Variants in MAP3K14 observed in about 807,000 individuals in gnomAD.
The protein encoded by MAP3K14 is mitogen-activated protein kinase kinase kinase 14.
A neutral mutation model predicts 99.2 loss-of-function variants in MAP3K14; 16 were observed. That is an observed-to-expected ratio of 0.16 (90% CI 0.11 to 0.24). The LOEUF (loss-of-function observed/expected upper bound fraction) is 0.24, where lower values mean the gene tolerates loss of function less well. Ranked by LOEUF, MAP3K14 falls within the 10% of genes least tolerant of loss-of-function variation. The probability of loss-of-function intolerance (pLI) is 1.00; values close to 1 mark genes in which losing one functional copy is unlikely to be tolerated. For synonymous variants in MAP3K14, 462 were observed against 492.4 expected, an observed-to-expected ratio of 0.94 and a Z score of 0.82; for missense variants, 784 against 1,208.7, an observed-to-expected ratio of 0.65 and a Z score of 5.21.
At chr17:45,285,745 C>A (rs1477992131) in intron 5 of MAP3K14, among the ~76,000 whole-genome samples, 2 of 151,900 alleles carry the variant, frequency 1.3e-5, no homozygotes, top group Non-Finnish European at 2.9e-5. Context: ...TGCTTTAGCC[C>A]AGGAGTTTGA....
intron 1 of MAP3K14, among the ~76,000 whole-genome samples, chr17:45,304,907 T>C (rs1485428249): frequency 6.6e-6 from 1 of 152,084 alleles, no homozygotes; most frequent in Admixed American, 6.6e-5. Context: ...TCCTCAAACC[T>C]ACATGATAGA....
chr17:45,307,071 AACAT>A (rs2044435928), intron 1 of MAP3K14, among the ~76,000 whole-genome samples: 1 of 152,182 alleles, frequency 6.6e-6, no homozygotes, highest in African/African-American at 2.4e-5. Context: ...CAGCCTGGCC[AACAT>A]GGCAAAACGC....
At chr17:45,282,827 G>A (rs946144341) in intron 6 of MAP3K14, among the ~76,000 whole-genome samples, 3 of 152,188 alleles carry the variant, frequency 2.0e-5, no homozygotes, top group Non-Finnish European at 4.4e-5. Flanking sequence ...TGTTTCTCCT[G>A]CTCTTCCAGC....
chr17:45,267,834 C>A lies in MAP3K14; in HGVS notation c.1973-75G>T. On this transcript the variant is annotated intron_variant, in intron 11 of 15. Transcript: ENST00000344686. This position sits in a 1 kb window ranked among gnomAD's most constrained non-coding sequence, Gnocchi z 5.1. ...AGCGGTCCAGGCAGGAGCGGCCTCTCCTGAGTGCAGAAGGGCTAGAGGCAA... is the reference window on the plus strand; with the variant it reads ...AGCGGTCCAGGCAGGAGCGGCCTCTACTGAGTGCAGAAGGGCTAGAGGCAA... 1 of 1,302,094 alleles carries A rather than the reference C, an allele frequency of 7.7e-7. No homozygotes were observed. The highest frequency in any genetic ancestry group is 1.3e-5 in the South Asian group (1 of 79,146). 80.7% of individuals were successfully genotyped at this position (1,302,094 alleles called of 1,614,324 possible).
chr17:45,305,707 G>A (rs2044425632), intron 1 of MAP3K14, among the ~76,000 whole-genome samples: 2 of 152,168 alleles, frequency 1.3e-5, no homozygotes, highest in Admixed American at 6.5e-5. Flanking sequence ...TAAGTGTTAA[G>A]TTGCTTCAAA....
At chr17:45,305,052 C>T (rs1386787610) in intron 1 of MAP3K14, among the ~76,000 whole-genome samples, 1 of 152,138 alleles carries the variant, frequency 6.6e-6, no homozygotes, top group Non-Finnish European at 1.5e-5. Flanking sequence ...GCAGTCAGAC[C>T]TTTGTATGAC....
Position 45,263,348 on chromosome 17 carries a change from G to A in MAP3K14, c.*1288C>T, listed in dbSNP as rs1023519960. The A allele has an allele frequency of 2.0e-5, 3 of 152,622 alleles. No homozygotes were observed. Among genetic ancestry groups the A allele is most frequent in the Admixed American group, 2.0e-4 (3 of 15,280 alleles). The allele number at this position is 152,622 out of a possible 1,614,324, so 9.5% of individuals were successfully genotyped here. A position where few individuals can be genotyped will look rare whatever the true frequency, so the allele number is the denominator to read the frequency against. ...GCGTCCCCTGCCCCAGGAGGTTGAGGCTAGCAGACACCCCCTGACGATTCA... is the reference window on the plus strand; with the variant it reads ...GCGTCCCCTGCCCCAGGAGGTTGAGACTAGCAGACACCCCCTGACGATTCA... On this transcript the variant is annotated 3_prime_UTR_variant, in exon 16 of 16. Coordinates refer to ENST00000344686, the MANE Select transcript of MAP3K14 (RefSeq NM_003954.5).
chr17:45,270,400 G>T lies in MAP3K14; in HGVS notation c.1972+13C>A. On this transcript the variant is annotated intron_variant, in intron 11 of 15. Coordinates refer to ENST00000344686, the MANE Select transcript of MAP3K14 (RefSeq NM_003954.5). ...TCTGCCCCCCGGGTCAGCCAGCGTG[G>T]GGCTCTTCCTACCTTGCTGTAGTGC... The T allele has an allele frequency of 6.2e-7, 1 of 1,608,118 alleles. No homozygotes were observed.
intron 6 of MAP3K14, chr17:45,281,523 G>C (rs1438236275): frequency 1.3e-5 from 2 of 151,314 alleles, no homozygotes; most frequent in Non-Finnish European, 2.9e-5. Flanking sequence ...TGTATTTTTA[G>C]TAGAGATGGG....
chr17:45,299,551 T>G (rs1463068820), intron 1 of MAP3K14, among the ~76,000 whole-genome samples: 1 of 152,106 alleles, frequency 6.6e-6, no homozygotes, highest in East Asian at 1.9e-4. Context: ...CCCTGGGACA[T>G]AGAAACAGAT....
chr17:45,305,744 A>G (rs1040514722), intron 1 of MAP3K14, among the ~76,000 whole-genome samples: 3 of 152,132 alleles, frequency 2.0e-5, no homozygotes, highest in African/African-American at 7.2e-5. Context: ...ACTGAAGCCT[A>G]CCTCCCACAG....
At position 45,264,772 on chromosome 17, in the gene MAP3K14, G is replaced by A. The variant is rs2044059843; in HGVS notation, c.2708C>T (p.Thr903Ile). The change falls in exon 16 of 16, where the codon ACC becomes ATC. Residue 903 changes from threonine to isoleucine, a missense_variant. Thr to Ile is a moderately conservative substitution (Grantham distance 89, BLOSUM62 -1). Transcript: ENST00000344686. Reference sequence around the variant, plus strand: ...GTAGCGAACAGGCTGCCCGTCTTTGGTGACCAAGCTGAAGGCTGCAGCTGG... The same window carrying A: ...GTAGCGAACAGGCTGCCCGTCTTTGATGACCAAGCTGAAGGCTGCAGCTGG... ...QIPAAAFSLV[T>I]KDGQPVRYDM... 1 of 1,613,394 alleles carries A rather than the reference G, an allele frequency of 6.2e-7. No individual in the cohort carries two copies.
At position 45,287,499 on chromosome 17, in the gene MAP3K14, G is replaced by A. The variant is rs9897333; in HGVS notation, c.327-135C>T. The A allele has an allele frequency of 7.9e-3, 5,396 of 683,142 alleles. 229 individuals carry two copies. In the African/African-American group the frequency reaches 0.086, roughly 11 times the overall value. The allele number at this position is 683,142 out of a possible 1,614,324, so 42.3% of individuals were successfully genotyped here. On this transcript the variant is annotated intron_variant, in intron 3 of 15. Transcript: ENST00000344686. ...GCCATTCCTTGTGTGAATGCGGCAAGGTTTCTAAATCCCAAGGAACCTGTT... is the reference window on the plus strand; with the variant it reads ...GCCATTCCTTGTGTGAATGCGGCAAAGTTTCTAAATCCCAAGGAACCTGTT...
chr17:45,289,266 C>T lies in MAP3K14; in HGVS notation c.296G>A (p.Arg99His), dbSNP rs762182665. 32 of 1,613,792 alleles carry T rather than the reference C, an allele frequency of 2.0e-5. No homozygotes were observed. In the African/African-American group the frequency reaches 2.4e-4, roughly 12 times the overall value. The change falls in exon 3 of 16, where the codon CGC (arginine) becomes CAC (histidine). Residue 99 changes from arginine to histidine, a missense_variant. Physicochemically the swap from Arg to His is conservative, Grantham distance 29 (BLOSUM62 0). This residue lies in a region of MAP3K14 where 188 missense variants were observed against 313.0 expected (regional missense o/e 0.60). Coordinates refer to ENST00000344686, the MANE Select transcript of MAP3K14 (RefSeq NM_003954.5). ...CTGTTTGGACCCAGCGATGAAAATG[C>T]GTTCTGAAAAGGTGGGGCTGAACTC... The part of the protein sequence containing the change: ...SQEFSPTFSE[R>H]IFIAGSKQYS...
intron 1 of MAP3K14, among the ~76,000 whole-genome samples, chr17:45,316,591 G>A (rs1276855135): frequency 1.3e-5 from 2 of 152,226 alleles, no homozygotes; most frequent in Non-Finnish European, 2.9e-5. Flanking sequence ...CCGCCCCGCG[G>A]CAGGCGAGCT....
At chr17:45,311,735 A>G (rs2044481044) in intron 1 of MAP3K14, among the ~76,000 whole-genome samples, 2 of 152,236 alleles carry the variant, frequency 1.3e-5, no homozygotes, top group South Asian at 4.1e-4. Context: ...ACTCCAACTC[A>G]GGTGGCTGAA....
chr17:45,274,036 G>C, intron 8 of MAP3K14, 87 bp downstream of exon 8: 1 of 1,501,718 alleles, frequency 6.7e-7, no homozygotes, highest in Non-Finnish European at 9.0e-7. Flanking sequence ...GGGATGACCA[G>C]GCTAGCCCAG....
At position 45,273,855 on chromosome 17, in the gene MAP3K14, G is replaced by T. The variant is rs1479365452; in HGVS notation, c.1553-248C>A. The T allele has an allele frequency of 2.2e-5, 14 of 642,106 alleles. No individual in the cohort carries two copies. The Admixed American group carries it at 2.9e-4, about 13-fold the overall frequency. 39.8% of individuals were successfully genotyped at this position (642,106 alleles called of 1,614,324 possible). On this transcript the variant is annotated intron_variant, in intron 8 of 15. Transcript: ENST00000344686. ...GTTTACTCGGGAACGCTGCCACTCTGCTCGCCTGCGCCGACCCCATACCAG... is the reference window on the plus strand; with the variant it reads ...GTTTACTCGGGAACGCTGCCACTCTTCTCGCCTGCGCCGACCCCATACCAG...
At chr17:45,292,717 C>T (rs1221175302) in intron 1 of MAP3K14, among the ~76,000 whole-genome samples, 3 of 152,198 alleles carry the variant, frequency 2.0e-5, no homozygotes, top group African/African-American at 4.8e-5. Context: ...AGCCCAGAGC[C>T]GATCCCACTG....
Sources: gnomAD v4.1 joint callset for allele counts (sites outside exome capture counted in the v4.1 genomes callset) on GRCh38, gnomAD v4.1.1 for gene constraint, gnomAD v4.1.1 regional missense constraint, Gnocchi (gnomAD v3.1) non-coding constraint, MANE v1.5 for transcripts, NCBI Gene and HGNC (gene_info 2026-07-23, HGNC 2026-07-21) for gene names.